HAUS6: variants seen among roughly 807,000 people sequenced by gnomAD.
HAUS6 encodes HAUS augmin-like complex subunit 6.
A neutral mutation model predicts 106.8 loss-of-function variants in HAUS6; 80 were observed. The ratio of observed to expected loss-of-function variants is 0.75; its 90% CI spans 0.63 to 0.90. The LOEUF (loss-of-function observed/expected upper bound fraction) is 0.90. Among genes scored for constraint, HAUS6 ranks in the 40% least tolerant of loss-of-function variants. The pLI, the probability that HAUS6 is intolerant of heterozygous loss-of-function variation, is 0.00. For synonymous variants in HAUS6, 356 were observed against 379.1 expected (o/e 0.94, Z 0.71); for missense variants, 1,155 against 1,118.1 (o/e 1.03, Z -0.47).
intron 1 of HAUS6, among the ~76,000 whole-genome samples, chr9:19,099,133 A>T (rs770201462): frequency 1.3e-5 from 2 of 151,456 alleles, no homozygotes; most frequent in African/African-American, 2.4e-5. Flanking sequence ...ATGTAAGTGA[A>T]TAAAAAATAA....
chr9:19,098,037 A>G lies in HAUS6; in HGVS notation c.129-1268T>C, dbSNP rs374090754. Among the ~76,000 whole-genome samples, 9 of 152,288 alleles carry G rather than the reference A, an allele frequency of 5.9e-5. No individual in the cohort carries two copies. The East Asian group carries it at 1.3e-3, about 23-fold the overall frequency. On this transcript the variant is annotated intron_variant, in intron 1 of 16. Coordinates refer to ENST00000380502, the MANE Select transcript of HAUS6 (RefSeq NM_017645.5). ...GTTCCATCTATCCTACTTCCTTACC[A>G]TCTCTCAAACCTGTTGTTTTTTCAC...
rs369271478 is a variant in HAUS6 at position 19,078,274 on chromosome 9, T to C, written c.1093A>G (p.Ile365Val). Reference protein sequence around the residue: ...RYRIKDDLTTIRHSVVEKQGE... With the variant: ...RYRIKDDLTTVRHSVVEKQGE... ...TGCTTTTCAACAACAGAATGTCTTA[T>C]AGTTGTGAGATCATCTTTTATTCTA... Residue 365 changes from isoleucine (I) to valine (V), a missense_variant, in exon 10 of 17, where the codon ATA becomes GTA. Physicochemically the swap from Ile to Val is conservative, Grantham distance 29. Around this residue, in one of 3 missense-constraint regions of HAUS6, gnomAD observed 761 missense variants for 690.0 expected, o/e 1.10. Coordinates refer to ENST00000380502, the MANE Select transcript of HAUS6 (RefSeq NM_017645.5). 1.1e-5 allele frequency: 16 copies of C among 1,508,042 alleles called. No individual in the cohort carries two copies. The highest frequency in any genetic ancestry group is 8.2e-5 in the African/African-American group (6 of 72,828). The allele number at this position is 1,508,042 out of a possible 1,614,324, so 93.4% of individuals were successfully genotyped here. A position where few individuals can be genotyped will look rare whatever the true frequency, so the allele number is the denominator to read the frequency against.
At position 19,086,870 on chromosome 9, in the gene HAUS6, C is replaced by G. The variant is rs575218193; in HGVS notation, c.651-88G>C. Reference sequence around the variant, plus strand: ...AGAGCTAATTAGTCTGCAAATCAACCCACCAACAACCACCCCAACAAAAAA... The same window carrying G: ...AGAGCTAATTAGTCTGCAAATCAACGCACCAACAACCACCCCAACAAAAAA... On this transcript the variant is annotated intron_variant, in intron 6 of 16. Transcript: ENST00000380502. The G allele has an allele frequency of 4.6e-6, 3 of 655,898 alleles. No individual in the cohort carries two copies. In the African/African-American group the frequency reaches 5.6e-5, roughly 12 times the overall value. 40.6% of individuals were successfully genotyped at this position (655,898 alleles called of 1,614,324 possible). A position where few individuals can be genotyped will look rare whatever the true frequency, so the allele number is the denominator to read the frequency against.
At chr9:19,098,825 C>T (rs1817920320) in intron 1 of HAUS6, among the ~76,000 whole-genome samples, 1 of 151,946 alleles carries the variant, frequency 6.6e-6, no homozygotes, top group Non-Finnish European at 1.5e-5. Flanking sequence ...GAGTTCGAGA[C>T]CAGCCTGACC....
At chr9:19,074,788 A>T (rs61048565) in intron 11 of HAUS6, among the ~76,000 whole-genome samples, 26,048 of 152,084 alleles carry the variant, frequency 0.17, 2,278 homozygotes, top group South Asian at 0.21. Context: ...TTTGGCTATA[A>T]AATTTGTTTT....
At chr9:19,070,321 G>C in intron 11 of HAUS6, 21 bp from the exon 12 acceptor site, 1 of 1,281,762 alleles carries the variant, frequency 7.8e-7, no homozygotes, top group Non-Finnish European at 1.1e-6. Flanking sequence ...TTAAAAATTG[G>C]TTACTCTTTA....
In HAUS6 at chr9:19,080,687, G is replaced by C. The variant is rs1397146290; in HGVS notation, c.871-15C>G. The C allele has an allele frequency of 1.3e-6, 2 of 1,540,376 alleles. No individual in the cohort carries two copies. The highest frequency in any genetic ancestry group is 2.3e-5 in the East Asian group (1 of 44,282). On this transcript the variant is annotated splice_polypyrimidine_tract_variant and intron_variant, in intron 8 of 16. Coordinates refer to ENST00000380502, the MANE Select transcript of HAUS6 (RefSeq NM_017645.5). ...CCTATGTGCAACTAAGGAATCAGGAGGAGAAAAAAATTGGTGAACTATAGG... is the reference window on the plus strand; with the variant it reads ...CCTATGTGCAACTAAGGAATCAGGACGAGAAAAAAATTGGTGAACTATAGG...
At chr9:19,094,458 GCAA>G in intron 2 of HAUS6, 63 bp from the exon 3 acceptor site, 1 of 950,176 alleles carries the variant, frequency 1.1e-6, no homozygotes. Flanking sequence ...AAAAGCCTCA[GCAA>G]ATTTTTTAAA....
At chr9:19,101,296 G>C (rs1588633408) in intron 1 of HAUS6, among the ~76,000 whole-genome samples, 3 of 152,180 alleles carry the variant, frequency 2.0e-5, no homozygotes, top group Admixed American at 2.0e-4. Context: ...CAAGGCGGGG[G>C]GATTGCTGGA....
chr9:19,059,306 T>C (rs577026044), intron 15 of HAUS6, among the ~76,000 whole-genome samples: 15 of 152,382 alleles, frequency 9.8e-5, no homozygotes, highest in African/African-American at 3.1e-4. Context: ...AGCCACAGTT[T>C]GGCAAACATT....
At chr9:19,059,513 T>C (rs569314336) in intron 15 of HAUS6, among the ~76,000 whole-genome samples, 82 of 152,364 alleles carry the variant, frequency 5.4e-4, no homozygotes, top group African/African-American at 1.8e-3. Context: ...TTTGCTGACC[T>C]AGGCTGTGGC....
Position 19,100,428 on chromosome 9 carries a change from T to G in HAUS6, c.128+2096A>C, listed in dbSNP as rs906345995. On this transcript the variant is annotated intron_variant, in intron 1 of 16. Transcript: ENST00000380502. Reference sequence around the variant, plus strand: ...ATGTTGAAAGCATTTAAAGTGGACATGTGTTACAAGATGGTGGATCCTGCA... The same window carrying G: ...ATGTTGAAAGCATTTAAAGTGGACAGGTGTTACAAGATGGTGGATCCTGCA... 3.3e-5 allele frequency among the ~76,000 whole-genome samples: 5 copies of G among 152,346 alleles called. 1 individual carries two copies. Among genetic ancestry groups the G allele is most frequent in the Admixed American group, 1.3e-4 (2 of 15,298 alleles).
At chr9:19,065,297 T>C (rs7467618) in intron 12 of HAUS6, among the ~76,000 whole-genome samples, 68,633 of 152,062 alleles carry the variant, frequency 0.45, 16,756 homozygotes, top group African/African-American at 0.66. Context: ...GATTGAGGCC[T>C]ATGAAATCCT....
chr9:19,080,546 C>T lies in HAUS6; in HGVS notation c.997G>A (p.Asp333Asn). Residue 333 changes from aspartate (D) to asparagine (N), a missense_variant, in exon 9 of 17, where the codon GAC becomes AAC. Coordinates refer to ENST00000380502, the MANE Select transcript of HAUS6 (RefSeq NM_017645.5). ...GTCTCTTTTTCAAGGTAGTGAAGGT[C>T]TACCGTCAATCTTGCTTGATCAGCC... is the stretch of plus-strand genomic sequence containing the variant. ...CQADQARLTV[D>N]LHYLEKETKF... is the part of the protein sequence containing the mutation. 1 of 1,608,554 alleles carries T rather than the reference C, an allele frequency of 6.2e-7. No homozygotes were observed. The highest frequency in any genetic ancestry group is 8.5e-7 in the Non-Finnish European group (1 of 1,176,466).
intron 4 of HAUS6, among the ~76,000 whole-genome samples, chr9:19,091,872 G>A (rs776075743): frequency 4.6e-5 from 7 of 152,020 alleles, no homozygotes; most frequent in African/African-American, 7.2e-5. Flanking sequence ...ATGTTGGCCA[G>A]GCTGGTGTCG....
chr9:19,098,465 G>T (rs1241085533), intron 1 of HAUS6, among the ~76,000 whole-genome samples: 1 of 151,516 alleles, frequency 6.6e-6, no homozygotes, highest in Non-Finnish European at 1.5e-5. Flanking sequence ...ATTATATAAG[G>T]GAAAATTTAT....
intron 1 of HAUS6, among the ~76,000 whole-genome samples, chr9:19,098,840 T>A (rs1054249242): frequency 1.3e-5 from 2 of 151,898 alleles, no homozygotes; most frequent in African/African-American, 4.8e-5. Flanking sequence ...CTGACCAACA[T>A]GGAGAAACCC....
At chr9:19,085,538 G>C (rs778175025) in intron 7 of HAUS6, among the ~76,000 whole-genome samples, 1 of 150,184 alleles carries the variant, frequency 6.7e-6, no homozygotes, top group Non-Finnish European at 1.5e-5. Context: ...ATGTGCCTTG[G>C]AAGCCAAATT....
chr9:19,064,130 A>T (rs937710419), intron 12 of HAUS6, among the ~76,000 whole-genome samples: 2 of 151,964 alleles, frequency 1.3e-5, no homozygotes, highest in Non-Finnish European at 2.9e-5. Flanking sequence ...ACAACACCTG[A>T]GTAATTTTGT....
Sources: gnomAD v4.1 joint callset for allele counts (sites outside exome capture counted in the v4.1 genomes callset) on GRCh38, gnomAD v4.1.1 for gene constraint, gnomAD v4.1.1 regional missense constraint, MANE v1.5 for transcripts, NCBI Gene and HGNC (gene_info 2026-07-23, HGNC 2026-07-21) for gene names.